The following SPOP variants were observed in gnomAD, a reference collection of about 807,000 sequenced individuals.
SPOP encodes speckle type BTB/POZ protein, also known as speckle-type POZ protein.
Under a neutral mutation model 45.6 loss-of-function variants are expected in SPOP, and 11 were observed. The observed-to-expected ratio is 0.24, with a 90% CI of 0.15 to 0.40. SPOP has a LOEUF of 0.40. SPOP is among the 10% of genes least tolerant of loss of function. SPOP has a pLI of 1.00. For missense variants in SPOP, 152 were observed against 465.6 expected, an observed-to-expected ratio of 0.33 and a Z score of 6.20; for synonymous variants, 166 against 166.3, an observed-to-expected ratio of 1.00 and a Z score of 0.01.
intron 1 of SPOP, among the ~76,000 whole-genome samples, chr17:49,677,579 GCAGCGAAGAAGCAGC>G (rs1162872090): frequency 6.6e-6 from 1 of 152,108 alleles, no homozygotes; most frequent in Non-Finnish European, 1.5e-5. Context: ...CGCCCCCGGG[GCAGCGAAGAAGCAGC>G]CCGAGCGCGT....
chr17:49,654,894 T>C (rs1265677420), intron 1 of SPOP, among the ~76,000 whole-genome samples: 2 of 152,188 alleles, frequency 1.3e-5, no homozygotes, highest in East Asian at 1.9e-4. Flanking sequence ...CTGGTAACAA[T>C]GAAGAAACTG....
At chr17:49,627,535 G>T (rs2072359758) in intron 1 of SPOP, among the ~76,000 whole-genome samples, 1 of 149,080 alleles carries the variant, frequency 6.7e-6, no homozygotes, top group Admixed American at 6.7e-5. Flanking sequence ...TGGAGAGGTG[G>T]ATTATAGGCA....
intron 8 of SPOP, among the ~76,000 whole-genome samples, chr17:49,604,895 A>T (rs1330188583): frequency 1.3e-5 from 2 of 152,242 alleles, no homozygotes; most frequent in Non-Finnish European, 2.9e-5. Context: ...AAAGGATTCC[A>T]GGGTTAACTA....
intron 1 of SPOP, among the ~76,000 whole-genome samples, chr17:49,647,475 T>A (rs950931925): frequency 1.4e-4 from 21 of 152,084 alleles, no homozygotes; most frequent in South Asian, 8.3e-4. Flanking sequence ...TTATTTTTTT[T>A]AAATTTTTTT....
rs538008312 is a variant in SPOP, at chr17:49,649,698, A to G, written c.-66-26822T>C. Among the ~76,000 whole-genome samples the G allele has an allele frequency of 1.1e-4, 16 of 148,830 alleles. No individual in the cohort carries two copies. The South Asian group carries it at 3.5e-3, about 32-fold the overall frequency. On this transcript the variant is annotated intron_variant, in intron 1 of 9. Coordinates refer to ENST00000504102, the MANE Select transcript of SPOP (RefSeq NM_001007228.2). ...CAAAAAATTAGCCGGGCATGGTGGC[A>G]GGCGCCTGTAGTCCCAGCTGCTCGG...
At chr17:49,672,585 GAAGA>G (rs1266442621) in intron 1 of SPOP, among the ~76,000 whole-genome samples, 1 of 152,122 alleles carries the variant, frequency 6.6e-6, no homozygotes, top group Non-Finnish European at 1.5e-5. Context: ...ATGAAACTAT[GAAGA>G]AATAACCAGA....
chr17:49,652,306 T>G (rs1187117747), intron 1 of SPOP, among the ~76,000 whole-genome samples: 1 of 152,206 alleles, frequency 6.6e-6, no homozygotes, highest in Non-Finnish European at 1.5e-5. Flanking sequence ...ATTTTAATCT[T>G]AAAGCTAACA....
chr17:49,633,427 A>G (rs2072488324), intron 1 of SPOP, among the ~76,000 whole-genome samples: 1 of 152,154 alleles, frequency 6.6e-6, no homozygotes, highest in Admixed American at 6.5e-5. Flanking sequence ...TTCAGGCTAT[A>G]AATAACTACA....
Position 49,607,357 on chromosome 17 carries a change from T to C in SPOP, c.730A>G (p.Asn244Asp). ...EESKKNRVEI[N>D]DVEPEVFKEM... ...TTAAAAACTTCAGGCTCCACATCAT[T>C]GATTTCAACTCGATTCTATGCCAGA... The change falls in exon 8 of 10, where the codon AAT becomes GAT. Residue 244 changes from asparagine to aspartate, a missense_variant. Transcript: ENST00000504102. The C allele has an allele frequency of 2.5e-6, 4 of 1,613,406 alleles. No homozygotes were observed. Among genetic ancestry groups the C allele is most frequent in the Non-Finnish European group, 3.4e-6 (4 of 1,179,524 alleles).
rs1329208722 is a variant in SPOP, at chr17:49,672,775, C to T, written c.-67+5158G>A. On this transcript the variant is annotated intron_variant, in intron 1 of 9. Coordinates refer to ENST00000504102, the MANE Select transcript of SPOP (RefSeq NM_001007228.2). Reference sequence around the variant, plus strand: ...TGGCCTAGCCAACATGGTGAAACCCCGTCTCTACTAAAAATGCAAAAATTA... The same window carrying T: ...TGGCCTAGCCAACATGGTGAAACCCTGTCTCTACTAAAAATGCAAAAATTA... Among the ~76,000 whole-genome samples, 4 of 151,950 alleles carry T rather than the reference C, an allele frequency of 2.6e-5. No individual in the cohort carries two copies. The East Asian group carries it at 5.8e-4, about 22-fold the overall frequency.
intron 6 of SPOP, 28 bp from the exon 7 acceptor site, chr17:49,607,957 T>C (rs1179318122): frequency 6.2e-6 from 10 of 1,609,510 alleles, no homozygotes; most frequent in Non-Finnish European, 8.5e-6. Context: ...AACAAGCAGA[T>C]AAGGCTATCA....
At chr17:49,630,178 C>T (rs935521467) in intron 1 of SPOP, among the ~76,000 whole-genome samples, 12 of 152,064 alleles carry the variant, frequency 7.9e-5, no homozygotes, top group African/African-American at 2.2e-4. Flanking sequence ...AAAAGATTGA[C>T]GACAATTGCA....
In SPOP at chr17:49,600,090, G is replaced by T. The variant is rs140827537; in HGVS notation, c.*288C>A. The T allele has an allele frequency of 9.3e-5, 36 of 386,416 alleles. No homozygotes were observed. The highest frequency in any genetic ancestry group is 6.7e-4 in the African/African-American group (34 of 50,616). 23.9% of individuals were successfully genotyped at this position (386,416 alleles called of 1,614,324 possible). On this transcript the variant is annotated 3_prime_UTR_variant, in exon 10 of 10. Coordinates refer to ENST00000504102, the MANE Select transcript of SPOP (RefSeq NM_001007228.2). This position sits in a 1 kb window ranked among gnomAD's most constrained non-coding sequence, Gnocchi z 4.2. Reference sequence around the variant, plus strand: ...AGACAGGTGTCTCCGAAGTACCACCGCTGGGATATCCTCGGGCCAGCGCCT... The same window carrying T: ...AGACAGGTGTCTCCGAAGTACCACCTCTGGGATATCCTCGGGCCAGCGCCT...
chr17:49,677,695 C>T (rs577623373), intron 1 of SPOP, among the ~76,000 whole-genome samples: 37 of 150,464 alleles, frequency 2.5e-4, no homozygotes, highest in African/African-American at 9.1e-4. Flanking sequence ...GATGGGGGGG[C>T]TGAAGGCAGG....
At chr17:49,655,913 T>G (rs2072907114) in intron 1 of SPOP, among the ~76,000 whole-genome samples, 3 of 152,088 alleles carry the variant, frequency 2.0e-5, no homozygotes, top group African/African-American at 4.8e-5. Context: ...CGGGTTCAAG[T>G]GATTCTCCTG....
intron 1 of SPOP, among the ~76,000 whole-genome samples, chr17:49,639,372 A>G (rs956052262): frequency 1.3e-5 from 2 of 152,208 alleles, no homozygotes; most frequent in African/African-American, 4.8e-5. Flanking sequence ...ATTATCTAAT[A>G]AGACTAAAGA....
At chr17:49,663,684 G>T (rs2073017220) in intron 1 of SPOP, among the ~76,000 whole-genome samples, 1 of 152,240 alleles carries the variant, frequency 6.6e-6, no homozygotes, top group Non-Finnish European at 1.5e-5. Context: ...ACTCTGAGTT[G>T]TGAGTTGAAC....
chr17:49,630,373 G>A (rs1380007065), intron 1 of SPOP, among the ~76,000 whole-genome samples: 4 of 152,130 alleles, frequency 2.6e-5, no homozygotes, highest in South Asian at 2.1e-4. Context: ...TTCTACTGTT[G>A]CAAGGTTTAA....
intron 1 of SPOP, among the ~76,000 whole-genome samples, chr17:49,650,569 G>A (rs1012508153): frequency 6.6e-6 from 1 of 152,148 alleles, no homozygotes; most frequent in African/African-American, 2.4e-5. Context: ...AACAGAGCAA[G>A]ACTCCGTTTC....
Sources: allele counts gnomAD v4.1 joint callset (sites outside exome capture counted in the v4.1 genomes callset), GRCh38; gene constraint gnomAD v4.1.1; non-coding constraint Gnocchi (gnomAD v3.1); transcripts MANE v1.5; gene names NCBI Gene and HGNC (gene_info 2026-07-23, HGNC 2026-07-21).